Variants in PTN observed in about 807,000 individuals in gnomAD.
PTN encodes the protein pleiotrophin.
In PTN, 18 loss-of-function variants were observed where a neutral mutation model predicts 24.1. That is an observed-to-expected ratio of 0.75 (90% CI 0.52 to 1.11). The LOEUF (loss-of-function observed/expected upper bound fraction) is 1.11. Ranked by LOEUF, PTN falls within the 50% of genes least tolerant of loss-of-function variation. The pLI is 0.00. For missense variants in PTN, 163 were observed against 198.8 expected, an observed-to-expected ratio of 0.82 and a Z score of 1.08; for synonymous variants, 78 against 68.6, an observed-to-expected ratio of 1.14 and a Z score of -0.67.
In PTN at chr7:137,341,023, G is replaced by A. The variant is rs147934906; in HGVS notation, c.-2+2416C>T. 4.6e-4 allele frequency among the ~76,000 whole-genome samples: 70 copies of A among 152,208 alleles called. 1 individual carries two copies. In the East Asian group the frequency reaches 5.4e-3, roughly 12 times the overall value. ...GTTAATTTATCACACCATTTTCAACGAGCCGGGTAAACTCGATTTTGTGGG... is the reference window on the plus strand; with the variant it reads ...GTTAATTTATCACACCATTTTCAACAAGCCGGGTAAACTCGATTTTGTGGG... On this transcript the variant is annotated intron_variant, in intron 1 of 4. Transcript: ENST00000348225.
intron 1 of PTN, among the ~76,000 whole-genome samples, chr7:137,319,600 T>G (rs889696174): frequency 6.6e-6 from 1 of 152,144 alleles, no homozygotes; most frequent in Non-Finnish European, 1.5e-5. Flanking sequence ...AAACCCAGGA[T>G]GTCTCCCCTG....
At chr7:137,276,637 G>A (rs1163557418) in intron 1 of PTN, among the ~76,000 whole-genome samples, 4 of 152,190 alleles carry the variant, frequency 2.6e-5, no homozygotes, top group African/African-American at 9.7e-5. Flanking sequence ...CTGTCTGTGA[G>A]TAATATAGTT....
chr7:137,257,678 C>T (rs1474191530), intron 1 of PTN, among the ~76,000 whole-genome samples: 1 of 152,170 alleles, frequency 6.6e-6, no homozygotes, highest in Non-Finnish European at 1.5e-5. Flanking sequence ...TGATTCAGAA[C>T]TTTTAAATTA....
Position 137,284,956 on chromosome 7 carries a change from G to A in PTN, c.-1-29982C>T, listed in dbSNP as rs374297679. On this transcript the variant is annotated intron_variant, in intron 1 of 4. Transcript: ENST00000348225. ...AGAATAACTTTCAAATCCTGCATTT[G>A]AATACATTTAAGTCAACAACTTAAA... is the stretch of plus-strand genomic sequence containing the variant. Among the ~76,000 whole-genome samples, 166 of 152,238 alleles carry A rather than the reference G, an allele frequency of 1.1e-3. 2 individuals are homozygous for A. The South Asian group carries it at 0.033, about 31-fold the overall frequency.
At chr7:137,258,896 G>A (rs754274942) in intron 1 of PTN, among the ~76,000 whole-genome samples, 1 of 152,034 alleles carries the variant, frequency 6.6e-6, no homozygotes, top group Non-Finnish European at 1.5e-5. Context: ...CAGGATCGTG[G>A]CATATTTTTT....
At chr7:137,237,210 C>A (rs936243142) in intron 4 of PTN, among the ~76,000 whole-genome samples, 1 of 152,002 alleles carries the variant, frequency 6.6e-6, no homozygotes, top group Non-Finnish European at 1.5e-5. Context: ...ATGACTGGTG[C>A]ATTTACAAGA....
intron 4 of PTN, among the ~76,000 whole-genome samples, chr7:137,245,369 C>G (rs1452910103): frequency 6.6e-6 from 1 of 152,162 alleles, no homozygotes; most frequent in Admixed American, 6.5e-5. Flanking sequence ...CATTAGGGTA[C>G]AGTAGAGCTG....
At chr7:137,259,873 G>C (rs183707569) in intron 1 of PTN, among the ~76,000 whole-genome samples, 22 of 151,978 alleles carry the variant, frequency 1.4e-4, no homozygotes, top group African/African-American at 5.1e-4. Context: ...TGATAATTAG[G>C]AAATATGTAA....
chr7:137,320,402 A>C (rs1187530982), intron 1 of PTN, among the ~76,000 whole-genome samples: 1 of 152,194 alleles, frequency 6.6e-6, no homozygotes, highest in East Asian at 1.9e-4. Flanking sequence ...CTGTAGTGCA[A>C]CTATAACTGG....
chr7:137,298,537 G>A (rs1364705233), intron 1 of PTN, among the ~76,000 whole-genome samples: 2 of 151,936 alleles, frequency 1.3e-5, no homozygotes, highest in Non-Finnish European at 2.9e-5. Flanking sequence ...CTGAGACACA[G>A]TGAGATCTGG....
intron 1 of PTN, among the ~76,000 whole-genome samples, chr7:137,297,657 A>G (rs893922383): frequency 2.0e-5 from 3 of 152,008 alleles, no homozygotes; most frequent in Non-Finnish European, 4.4e-5. Context: ...GCAATGAGGG[A>G]GAGAAATAAA....
intron 1 of PTN, among the ~76,000 whole-genome samples, chr7:137,306,543 C>G (rs1210722589): frequency 6.6e-6 from 1 of 152,058 alleles, no homozygotes; most frequent in Non-Finnish European, 1.5e-5. Context: ...TAAATGAGAT[C>G]TTCTGCAAAA....
At chr7:137,288,657 C>A (rs1486400511) in intron 1 of PTN, among the ~76,000 whole-genome samples, 2 of 152,028 alleles carry the variant, frequency 1.3e-5, no homozygotes, top group Non-Finnish European at 2.9e-5. Context: ...TGCTTCTCAG[C>A]CTTTTGGCTA....
chr7:137,343,008 A>G (rs546768042), intron 1 of PTN, among the ~76,000 whole-genome samples: 2 of 152,240 alleles, frequency 1.3e-5, no homozygotes, highest in South Asian at 4.2e-4. Flanking sequence ...CAATCAGAGA[A>G]TCAGAGAGAG....
chr7:137,301,120 C>T (rs1177228926), intron 1 of PTN, among the ~76,000 whole-genome samples: 2 of 151,952 alleles, frequency 1.3e-5, no homozygotes, highest in South Asian at 2.1e-4. Context: ...CTGCTAACAA[C>T]ATCCTTACAT....
chr7:137,235,981 A>G (rs1585004494), intron 4 of PTN, among the ~76,000 whole-genome samples: 2 of 152,158 alleles, frequency 1.3e-5, no homozygotes, highest in African/African-American at 4.8e-5. Context: ...GCGGCTCAGC[A>G]TTTAACTGCA....
chr7:137,237,770 G>A (rs572486206), intron 4 of PTN, among the ~76,000 whole-genome samples: 2 of 151,862 alleles, frequency 1.3e-5, no homozygotes, highest in South Asian at 4.1e-4. Flanking sequence ...AGCAGCAAAA[G>A]GTAGATCTGA....
chr7:137,288,545 A>T (rs557421363), intron 1 of PTN, among the ~76,000 whole-genome samples: 1 of 152,320 alleles, frequency 6.6e-6, no homozygotes, highest in Admixed American at 6.5e-5. Context: ...CATCAGATGT[A>T]TTTACTGAAT....
chr7:137,341,776 C>A (rs1810537894), intron 1 of PTN, among the ~76,000 whole-genome samples: 1 of 152,046 alleles, frequency 6.6e-6, no homozygotes, highest in Admixed American at 6.5e-5. Flanking sequence ...AAAAAGATCA[C>A]CTTCTATTTA....
Sources: gnomAD v4.1 joint callset for allele counts (sites outside exome capture counted in the v4.1 genomes callset) on GRCh38, gnomAD v4.1.1 for gene constraint, MANE v1.5 for transcripts, NCBI Gene and HGNC (gene_info 2026-07-23, HGNC 2026-07-21) for gene names.